The following NEK1 variants were observed in gnomAD, a reference collection of about 807,000 sequenced individuals.
NEK1 encodes serine/threonine-protein kinase Nek1.
Under a neutral mutation model 182.1 loss-of-function variants are expected in NEK1, and 137 were observed. The observed-to-expected ratio is 0.75, with a 90% CI of 0.65 to 0.87. NEK1 has a LOEUF of 0.87. NEK1 is among the 40% of genes least tolerant of loss of function. NEK1 has a pLI of 0.00. For synonymous variants in NEK1, 513 were observed against 492.2 expected (o/e 1.04, Z -0.56); for missense variants, 1,391 against 1,494.4 (o/e 0.93, Z 1.14).
At chr4:169,532,632 T>C (rs887964916) in intron 19 of NEK1, among the ~76,000 whole-genome samples, 3 of 152,016 alleles carry the variant, frequency 2.0e-5, no homozygotes, top group Non-Finnish European at 2.9e-5. Flanking sequence ...CTAAAACTGC[T>C]ATAAAAAATA....
At chr4:169,450,807 A>G (rs1741570567) in intron 27 of NEK1, among the ~76,000 whole-genome samples, 1 of 152,222 alleles carries the variant, frequency 6.6e-6, no homozygotes, top group Admixed American at 6.5e-5. Context: ...ACACATAACA[A>G]TATTAACCTT....
rs1754771874 is a variant in NEK1, at chr4:169,514,486, G to A, written c.1666-5634C>T. On this transcript the variant is annotated intron_variant, in intron 19 of 35. Transcript: ENST00000507142. ...TTTGAATGTTTGGTAAAATTTTCCA[G>A]TGAAACCATCTAGGCCCAGAGATTT... is the stretch of plus-strand genomic sequence containing the variant. Among the ~76,000 whole-genome samples, 3 of 152,182 alleles carry A rather than the reference G, an allele frequency of 2.0e-5. No individual in the cohort carries two copies. The South Asian group carries it at 6.2e-4, about 32-fold the overall frequency.
intron 31 of NEK1, among the ~76,000 whole-genome samples, chr4:169,424,214 G>C (rs1037899539): frequency 6.6e-6 from 1 of 152,106 alleles, no homozygotes; most frequent in Non-Finnish European, 1.5e-5. Context: ...TAGCACCTCT[G>C]TCTATTTAAG....
At chr4:169,416,179 CTG>C (rs1322369822) in intron 31 of NEK1, among the ~76,000 whole-genome samples, 2 of 152,212 alleles carry the variant, frequency 1.3e-5, no homozygotes, top group Admixed American at 1.3e-4. Context: ...CTCAAACACA[CTG>C]TGCTATCTCA....
In NEK1 at chr4:169,479,636, T is replaced by C. The variant is rs1032010912; in HGVS notation, c.2008-102A>G. On this transcript the variant is annotated intron_variant, in intron 23 of 35. Transcript: ENST00000507142. ...ACTATTTATCCACTCTATCCACAAGTAGTTTTTTTCATTCCTGAATTATCT... is the reference window on the plus strand; with the variant it reads ...ACTATTTATCCACTCTATCCACAAGCAGTTTTTTTCATTCCTGAATTATCT... 25 of 964,602 alleles carry C rather than the reference T, an allele frequency of 2.6e-5. No individual in the cohort carries two copies. In the African/African-American group the frequency reaches 3.6e-4, roughly 14 times the overall value. The allele number at this position is 964,602 out of a possible 1,614,324, so 59.8% of individuals were successfully genotyped here.
intron 31 of NEK1, among the ~76,000 whole-genome samples, chr4:169,418,015 A>G (rs540240060): frequency 1.3e-5 from 2 of 152,356 alleles, no homozygotes; most frequent in African/African-American, 4.8e-5. Context: ...TGATGAGCAC[A>G]GGCCATGAAT....
intron 18 of NEK1, among the ~76,000 whole-genome samples, chr4:169,543,612 C>T (rs1273097084): frequency 6.6e-6 from 1 of 152,190 alleles, no homozygotes; most frequent in Non-Finnish European, 1.5e-5. Flanking sequence ...TTCTTCCTAT[C>T]CATGAGCATG....
chr4:169,463,964 T>TA (rs1744458392), intron 26 of NEK1, among the ~76,000 whole-genome samples: 1 of 152,122 alleles, frequency 6.6e-6, no homozygotes, highest in East Asian at 1.9e-4. Context: ...CTTATACACA[T>TA]AGACTTGAGG....
chr4:169,610,404 C>G (rs531281714), intron 2 of NEK1, among the ~76,000 whole-genome samples: 102 of 152,188 alleles, frequency 6.7e-4, no homozygotes, highest in Non-Finnish European at 1.2e-4. Context: ...ACCTCTGCCT[C>G]CCGGGTTCAA....
At chr4:169,445,688 A>C (rs565282508) in intron 27 of NEK1, among the ~76,000 whole-genome samples, 5 of 151,168 alleles carry the variant, frequency 3.3e-5, no homozygotes, top group Admixed American at 6.6e-5. Context: ...GGAAGGAGGG[A>C]GTGGGGAGAA....
intron 23 of NEK1, among the ~76,000 whole-genome samples, chr4:169,485,351 C>A (rs1012855368): frequency 8.5e-5 from 13 of 152,130 alleles, no homozygotes; most frequent in Non-Finnish European, 1.8e-4. Flanking sequence ...AGGATGACTA[C>A]TGAAATGTGG....
chr4:169,439,056 T>G, intron 27 of NEK1, among the ~76,000 whole-genome samples: 1 of 152,242 alleles, frequency 6.6e-6, no homozygotes, highest in East Asian at 1.9e-4. Flanking sequence ...GCACTGATTC[T>G]GCTACATTTT....
chr4:169,427,789 T>G (rs1736659530), intron 29 of NEK1, among the ~76,000 whole-genome samples: 1 of 151,806 alleles, frequency 6.6e-6, no homozygotes, highest in Non-Finnish European at 1.5e-5. Flanking sequence ...AGCCACCATG[T>G]CCAGCCTCTG....
intron 31 of NEK1, among the ~76,000 whole-genome samples, chr4:169,419,591 C>G (rs1183660319): frequency 3.9e-5 from 6 of 152,064 alleles, no homozygotes; most frequent in Non-Finnish European, 8.8e-5. Flanking sequence ...ACAACAATAC[C>G]ACGAAGGACA....
intron 23 of NEK1, among the ~76,000 whole-genome samples, chr4:169,492,389 G>A (rs146620891): frequency 1.3e-5 from 2 of 152,312 alleles, no homozygotes; most frequent in Non-Finnish European, 2.9e-5. Context: ...AGCAGCAAAA[G>A]TCTGGTTGAT....
intron 32 of NEK1, among the ~76,000 whole-genome samples, chr4:169,402,677 T>TC (rs1731890771): frequency 6.6e-6 from 1 of 152,150 alleles, no homozygotes; most frequent in South Asian, 2.1e-4. Context: ...TCAAATTTTA[T>TC]CCACAAAAAA....
At chr4:169,441,617 C>T (rs573878066) in intron 27 of NEK1, among the ~76,000 whole-genome samples, 5 of 152,356 alleles carry the variant, frequency 3.3e-5, no homozygotes, top group East Asian at 3.9e-4. Flanking sequence ...GACAGACCCA[C>T]CCTGCCCTGC....
chr4:169,560,180 C>T (rs1762706973), intron 16 of NEK1, among the ~76,000 whole-genome samples: 1 of 152,176 alleles, frequency 6.6e-6, no homozygotes, highest in South Asian at 2.1e-4. Context: ...GCTGGGTCCC[C>T]TCCTCAGGAT....
chr4:169,442,185 G>C (rs1219607506), intron 27 of NEK1, among the ~76,000 whole-genome samples: 2 of 152,140 alleles, frequency 1.3e-5, no homozygotes, highest in African/African-American at 4.8e-5. Flanking sequence ...AACACCATCT[G>C]GGGGGCCAAG....
Sources: allele counts gnomAD v4.1 joint callset (sites outside exome capture counted in the v4.1 genomes callset), GRCh38; gene constraint gnomAD v4.1.1; transcripts MANE v1.5; gene names NCBI Gene and HGNC (gene_info 2026-07-23, HGNC 2026-07-21).